ANKRD30B: variants seen among roughly 807,000 people sequenced by gnomAD.
The protein encoded by ANKRD30B is ankyrin repeat domain-containing protein 30B.
In ANKRD30B, 144 loss-of-function variants were observed where a neutral mutation model predicts 202.2. The ratio of observed to expected loss-of-function variants is 0.71; its 90% CI spans 0.62 to 0.82. The LOEUF is 0.82. Among genes scored for constraint, ANKRD30B ranks in the 40% least tolerant of loss-of-function variants. The pLI is 0.00. For synonymous variants in ANKRD30B, 508 were observed against 561.3 expected, an observed-to-expected ratio of 0.91 and a Z score of 1.34; for missense variants, 1,487 against 1,669.1, an observed-to-expected ratio of 0.89 and a Z score of 1.90.
At position 14,760,562 on chromosome 18, in the gene ANKRD30B, A is replaced by T; in HGVS notation, c.764A>T (p.Gln255Leu). 6.6e-7 allele frequency: 1 copy of T among 1,505,638 alleles called. No homozygotes were observed. The highest frequency in any genetic ancestry group is 9.0e-7 in the Non-Finnish European group (1 of 1,116,404). The allele number at this position is 1,505,638 out of a possible 1,614,324, so 93.3% of individuals were successfully genotyped here. The change falls in exon 6 of 44, where the codon CAA becomes CTA. Residue 255 changes from glutamine to leucine, a missense_variant. Coordinates refer to ENST00000690538, the MANE Select transcript of ANKRD30B (RefSeq NM_001367607.2). Reference sequence around the variant, plus strand: ...TACATTTTTATACATAGCATTCATCAACAACTTTTGGAACATATACGAAAA... The same window carrying T: ...TACATTTTTATACATAGCATTCATCTACAACTTTTGGAACATATACGAAAA... The part of the protein sequence containing the change: ...AAACGVNYIH[Q>L]QLLEHIRKLP...
chr18:14,815,727 A>T (rs563999474), intron 30 of ANKRD30B, among the ~76,000 whole-genome samples: 2 of 152,346 alleles, frequency 1.3e-5, no homozygotes, highest in East Asian at 3.9e-4. Context: ...ATTTTAACAT[A>T]GAAAATGTTA....
the ANKRD30B span, among the ~76,000 whole-genome samples, chr18:14,863,312 C>T: frequency 6.6e-6 from 1 of 152,150 alleles, no homozygotes; most frequent in Non-Finnish European, 1.5e-5. Context: ...ATTTGCTTAG[C>T]TCCATCCCCT....
At chr18:14,879,456 C>T in the ANKRD30B span, among the ~76,000 whole-genome samples, 16 of 152,212 alleles carry the variant, frequency 1.1e-4, no homozygotes, top group East Asian at 3.9e-4. Context: ...ATATAAGATC[C>T]GCAATCCCCT....
At chr18:14,883,737 T>A in the ANKRD30B span, 1 of 155,770 alleles carries the variant, frequency 6.4e-6, no homozygotes, top group African/African-American at 2.4e-5. Flanking sequence ...GGCATATTGT[T>A]AGTTTTCCAG....
chr18:14,791,039 T>C (rs1222313001), intron 15 of ANKRD30B, among the ~76,000 whole-genome samples: 1 of 152,186 alleles, frequency 6.6e-6, no homozygotes. Context: ...TTTTGGTTGG[T>C]AAGCTATTGA....
the ANKRD30B span, among the ~76,000 whole-genome samples, chr18:14,937,836 C>T: frequency 6.6e-6 from 1 of 152,138 alleles, no homozygotes; most frequent in East Asian, 1.9e-4. Flanking sequence ...ATGTGGACAA[C>T]TTTATCTTGT....
At chr18:14,904,479 C>G in the ANKRD30B span, among the ~76,000 whole-genome samples, 2 of 152,248 alleles carry the variant, frequency 1.3e-5, no homozygotes, top group South Asian at 4.2e-4. Flanking sequence ...TTTCTCCTCT[C>G]TTCTTTCCCT....
the ANKRD30B span, chr18:14,890,223 C>G: frequency 1.9e-6 from 1 of 531,402 alleles, no homozygotes. Flanking sequence ...TTACACAGCC[C>G]AAGACTCCGA....
At chr18:14,898,281 AG>A in the ANKRD30B span, among the ~76,000 whole-genome samples, 1 of 152,168 alleles carries the variant, frequency 6.6e-6, no homozygotes, top group Non-Finnish European at 1.5e-5. Context: ...ACCAGCAGTC[AG>A]GGGATGGCAG....
chr18:14,870,102 T>A, the ANKRD30B span, among the ~76,000 whole-genome samples: 4 of 152,162 alleles, frequency 2.6e-5, no homozygotes, highest in Non-Finnish European at 2.9e-5. Flanking sequence ...TCCCAAAGTG[T>A]TGGGATTACA....
At chr18:14,878,453 T>G in the ANKRD30B span, among the ~76,000 whole-genome samples, 1 of 152,060 alleles carries the variant, frequency 6.6e-6, no homozygotes, top group Non-Finnish European at 1.5e-5. Context: ...TTGCCTTCTT[T>G]CTCGATTCTA....
At chr18:14,758,756 A>G (rs1567981935) in intron 5 of ANKRD30B, among the ~76,000 whole-genome samples, 1 of 151,968 alleles carries the variant, frequency 6.6e-6, no homozygotes, top group African/African-American at 2.4e-5. Context: ...GACTTTTTCT[A>G]TTTTCTCTAG....
intron 20 of ANKRD30B, among the ~76,000 whole-genome samples, chr18:14,798,155 T>G (rs1054445980): frequency 6.6e-6 from 1 of 151,040 alleles, no homozygotes; most frequent in African/African-American, 2.4e-5. Context: ...ACAGACAAGA[T>G]AGTGAAAGCT....
At chr18:14,894,525 A>G in the ANKRD30B span, among the ~76,000 whole-genome samples, 2 of 152,056 alleles carry the variant, frequency 1.3e-5, no homozygotes, top group Non-Finnish European at 2.9e-5. Context: ...CTGTGCTAGC[A>G]TGATAACTAA....
the ANKRD30B span, among the ~76,000 whole-genome samples, chr18:14,929,295 CTT>C: frequency 6.6e-6 from 1 of 152,300 alleles, no homozygotes; most frequent in South Asian, 2.1e-4. Context: ...AACTGTCTCT[CTT>C]GTGTGAAGCC....
chr18:14,931,934 G>A, the ANKRD30B span, among the ~76,000 whole-genome samples: 472 of 30,066 alleles, frequency 0.016, no homozygotes, highest in Middle Eastern at 0.045. Flanking sequence ...GCTCTGTCCC[G>A]GGCCCCCCAC....
the ANKRD30B span, among the ~76,000 whole-genome samples, chr18:14,916,655 ACTT>A: frequency 6.6e-6 from 1 of 152,122 alleles, no homozygotes; most frequent in Non-Finnish European, 1.5e-5. Flanking sequence ...CTAGAACAAA[ACTT>A]CTTACTAAAT....
chr18:14,922,731 C>T, the ANKRD30B span, among the ~76,000 whole-genome samples: 12 of 151,870 alleles, frequency 7.9e-5, no homozygotes, highest in African/African-American at 1.4e-4. Flanking sequence ...CTTAGTGCTG[C>T]GCTGTGCTCA....
intron 15 of ANKRD30B, among the ~76,000 whole-genome samples, chr18:14,791,123 G>T (rs1326902854): frequency 6.6e-6 from 1 of 151,992 alleles, no homozygotes; most frequent in South Asian, 2.1e-4. Flanking sequence ...GTCTTGGGAG[G>T]GTGTATGTGT....
Sources: gnomAD v4.1 joint callset for allele counts (sites outside exome capture counted in the v4.1 genomes callset) on GRCh38, gnomAD v4.1.1 for gene constraint, MANE v1.5 for transcripts, NCBI Gene and HGNC (gene_info 2026-07-23, HGNC 2026-07-21) for gene names.